Variants in GPRC6A observed in about 807,000 individuals in gnomAD.
GPRC6A encodes the protein G protein-coupled receptor family C group 6 member A.
Under a neutral mutation model 47.0 loss-of-function variants are expected in GPRC6A, and 54 were observed. The observed-to-expected ratio is 1.15, with a 90% CI of 0.92 to 1.44. GPRC6A has a LOEUF of 1.44. GPRC6A is among the 40% of genes most tolerant of loss of function. The pLI, the probability that GPRC6A is intolerant of heterozygous loss-of-function variation, is 0.00. For synonymous variants in GPRC6A, 347 were observed against 377.1 expected, an observed-to-expected ratio of 0.92 and a Z score of 0.93; for missense variants, 1,112 against 1,105.5, an observed-to-expected ratio of 1.01 and a Z score of -0.08.
chr6:116,803,835 G>T (rs1212521813), intron 3 of GPRC6A, among the ~76,000 whole-genome samples: 1 of 152,040 alleles, frequency 6.6e-6, no homozygotes, highest in Non-Finnish European at 1.5e-5. Flanking sequence ...GTTAATACTG[G>T]ATTAGCTGTC....
At chr6:116,811,269 C>A (rs1773014703) in intron 1 of GPRC6A, among the ~76,000 whole-genome samples, 2 of 152,216 alleles carry the variant, frequency 1.3e-5, no homozygotes, top group South Asian at 4.1e-4. Flanking sequence ...CCCTGCCCAA[C>A]CAACACTATC....
At chr6:116,822,685 G>T (rs1311982773) in intron 1 of GPRC6A, among the ~76,000 whole-genome samples, 1 of 143,290 alleles carries the variant, frequency 7.0e-6, no homozygotes, top group Non-Finnish European at 1.5e-5. Context: ...CACAGGAAGG[G>T]GAATATCACA....
intron 1 of GPRC6A, among the ~76,000 whole-genome samples, chr6:116,822,827 A>T (rs954391892): frequency 2.7e-5 from 4 of 150,754 alleles, no homozygotes; most frequent in Non-Finnish European, 5.9e-5. Flanking sequence ...AACCTGTACA[A>T]TGTGCACATG....
At chr6:116,796,289 AAAAG>A (rs1195894704) in intron 4 of GPRC6A, among the ~76,000 whole-genome samples, 1 of 152,090 alleles carries the variant, frequency 6.6e-6, no homozygotes, top group Non-Finnish European at 1.5e-5. Context: ...AAATAAAAAA[AAAAG>A]AAACATTTTG....
intron 3 of GPRC6A, among the ~76,000 whole-genome samples, chr6:116,801,991 G>C (rs1022666318): frequency 2.0e-5 from 3 of 152,128 alleles, no homozygotes; most frequent in Admixed American, 6.6e-5. Context: ...TGTTTCTTCT[G>C]TTCTTTCCTT....
intron 1 of GPRC6A, among the ~76,000 whole-genome samples, chr6:116,817,298 G>A (rs1057080231): frequency 4.1e-4 from 62 of 152,256 alleles, no homozygotes; most frequent in Non-Finnish European, 6.3e-4. Flanking sequence ...ACACGGCAGC[G>A]TATTCCAACA....
chr6:116,823,020 T>C (rs1274295616), intron 1 of GPRC6A, among the ~76,000 whole-genome samples: 1 of 152,088 alleles, frequency 6.6e-6, no homozygotes, highest in Non-Finnish European at 1.5e-5. Flanking sequence ...GTCTTGGCTA[T>C]TAACATTCAA....
intron 1 of GPRC6A, among the ~76,000 whole-genome samples, chr6:116,820,705 A>G (rs1773436642): frequency 6.6e-6 from 1 of 151,988 alleles, no homozygotes; most frequent in Non-Finnish European, 1.5e-5. Flanking sequence ...GATGTGACAT[A>G]TTTCAAAATA....
rs1772359520 is a variant in GPRC6A, at chr6:116,792,913, A to G, written c.2010T>C (p.Phe670=). 4.3e-6 allele frequency: 7 copies of G among 1,614,142 alleles called. No homozygotes were observed. In the African/African-American group the frequency reaches 9.3e-5, roughly 22 times the overall value. The change falls in exon 6 of 6, where the codon TTT becomes TTC. Residue 670 remains phenylalanine, a synonymous_variant. Transcript: ENST00000310357. ...TCAAAATGCAGGAGATGCAAAGAGT[A>G]AAGCTCACTCCAAACATTGTCTGCC... is the stretch of plus-strand genomic sequence containing the variant. ...KTRQTMFGVS[F]TLCISCILTK... is the part of the protein sequence containing the mutation.
intron 1 of GPRC6A, among the ~76,000 whole-genome samples, chr6:116,818,967 C>A (rs1266616294): frequency 6.6e-6 from 1 of 152,140 alleles, no homozygotes; most frequent in Non-Finnish European, 1.5e-5. Context: ...AAACCCATCT[C>A]ACGTGCAGAG....
intron 1 of GPRC6A, among the ~76,000 whole-genome samples, chr6:116,822,056 G>A (rs1256355232): frequency 1.4e-5 from 2 of 145,790 alleles, no homozygotes; most frequent in African/African-American, 5.3e-5. Context: ...TGAAGGACAT[G>A]AACAGACACT....
At chr6:116,804,403 C>A (rs911552485) in intron 3 of GPRC6A, among the ~76,000 whole-genome samples, 5 of 152,050 alleles carry the variant, frequency 3.3e-5, no homozygotes, top group African/African-American at 1.2e-4. Context: ...TGCTAGGGTA[C>A]AAAGTAATCC....
At chr6:116,798,921 A>T (rs1772574695) in intron 4 of GPRC6A, among the ~76,000 whole-genome samples, 1 of 152,022 alleles carries the variant, frequency 6.6e-6, no homozygotes, top group Admixed American at 6.6e-5. Context: ...CAAAGGAATA[A>T]GAGGGGAGGC....
At position 116,806,438 on chromosome 6, in the gene GPRC6A, C is replaced by T; in HGVS notation, c.1267G>A (p.Gly423Ser). The change falls in exon 3 of 6, where the codon GGT becomes AGT. Residue 423 changes from glycine (G) to serine (S), a missense_variant. Physicochemically the swap from Gly to Ser is moderately conservative, Grantham distance 56. Coordinates refer to ENST00000310357, the MANE Select transcript of GPRC6A (RefSeq NM_148963.4). ...TGACACAGATCCCGAATGGCATAAC[C>T]AAGGGCAAACACTGCAAGCTGAATA... Reference protein sequence around the residue: ...HSIQLAVFALGYAIRDLCQAR... With the variant: ...HSIQLAVFALSYAIRDLCQAR... 1.2e-6 allele frequency: 2 copies of T among 1,613,374 alleles called. No homozygotes were observed. Among genetic ancestry groups the T allele is most frequent in the Non-Finnish European group, 1.7e-6 (2 of 1,179,672 alleles).
intron 4 of GPRC6A, among the ~76,000 whole-genome samples, chr6:116,799,823 C>T (rs1324587984): frequency 6.6e-6 from 1 of 152,040 alleles, no homozygotes; most frequent in Non-Finnish European, 1.5e-5. Flanking sequence ...CAAGTAATGT[C>T]TTTGAATAAG....
chr6:116,824,933 A>C (rs976261702), intron 1 of GPRC6A, among the ~76,000 whole-genome samples: 2 of 152,098 alleles, frequency 1.3e-5, no homozygotes, highest in African/African-American at 4.8e-5. Flanking sequence ...ATAGTTTAAC[A>C]TATACAAATC....
intron 1 of GPRC6A, among the ~76,000 whole-genome samples, chr6:116,823,345 A>G (rs1429735704): frequency 6.6e-6 from 1 of 152,142 alleles, no homozygotes. Context: ...GGGCAGGGGC[A>G]CAATGCCACC....
intron 1 of GPRC6A, among the ~76,000 whole-genome samples, chr6:116,822,906 A>AAG (rs1554191143): frequency 8.0e-5 from 12 of 150,800 alleles, no homozygotes; most frequent in African/African-American, 1.9e-4. Context: ...AAAAAAAAAA[A>AAG]AAAGAAAGAA....
chr6:116,827,362 A>G (rs190247877), intron 1 of GPRC6A, among the ~76,000 whole-genome samples: 7 of 152,130 alleles, frequency 4.6e-5, no homozygotes, highest in Admixed American at 4.6e-4. Flanking sequence ...AGAAACATAG[A>G]AGAGAAAAAG....
Sources: gnomAD v4.1 joint callset for allele counts (sites outside exome capture counted in the v4.1 genomes callset) on GRCh38, gnomAD v4.1.1 for gene constraint, MANE v1.5 for transcripts, NCBI Gene and HGNC (gene_info 2026-07-23, HGNC 2026-07-21) for gene names.